Variants in SNX29 observed in about 807,000 individuals in gnomAD.
The protein encoded by SNX29 is sorting nexin-29.
In SNX29, 78 loss-of-function variants were observed where a neutral mutation model predicts 102.1. The observed-to-expected ratio is 0.76, with a 90% confidence interval of 0.64 to 0.92. SNX29 has a LOEUF of 0.92. SNX29 is among the 40% of genes least tolerant of loss of function. The pLI, the probability that SNX29 is intolerant of heterozygous loss-of-function variation, is 0.00. For missense variants in SNX29, 1,280 were observed against 1,061.7 expected, an observed-to-expected ratio of 1.21 and a Z score of -2.86; for synonymous variants, 580 against 414.5, an observed-to-expected ratio of 1.40 and a Z score of -4.85.
At chr16:12,557,868 G>T (rs184695830) in intron 20 of SNX29, among the ~76,000 whole-genome samples, 1 of 152,174 alleles carries the variant, frequency 6.6e-6, no homozygotes, top group East Asian at 1.9e-4. Context: ...CCATTCCAGC[G>T]AGTGGAGGAG....
chr16:12,214,939 C>T (rs1312663887), intron 14 of SNX29, among the ~76,000 whole-genome samples: 1 of 152,166 alleles, frequency 6.6e-6, no homozygotes, highest in Non-Finnish European at 1.5e-5. Context: ...GATATAAGGT[C>T]ATGAGAGTAG....
In SNX29 at chr16:12,560,953, C is replaced by A. The variant is rs796507500; in HGVS notation, c.2319-7553C>A. Reference sequence around the variant, plus strand: ...TGGTGTTGGGATCCGGAGAACCAGACCCAGACCTGCCTTCAAGGAACCCTT... The same window carrying A: ...TGGTGTTGGGATCCGGAGAACCAGAACCAGACCTGCCTTCAAGGAACCCTT... On this transcript the variant is annotated intron_variant, in intron 20 of 20. Transcript: ENST00000566228. 1.4e-5 allele frequency: 3 copies of A among 210,096 alleles called. No individual in the cohort carries two copies. In the East Asian group the frequency reaches 2.1e-4, roughly 15 times the overall value. The allele number at this position is 210,096 out of a possible 1,614,324, so 13.0% of individuals were successfully genotyped here.
chr16:12,407,331 T>TG (rs1183313016), intron 18 of SNX29, among the ~76,000 whole-genome samples: 1 of 151,904 alleles, frequency 6.6e-6, no homozygotes, highest in Admixed American at 6.6e-5. Flanking sequence ...TTAGATTGTT[T>TG]TTTTTTTTTC....
At chr16:12,019,855 T>G (rs552723583) in intron 3 of SNX29, among the ~76,000 whole-genome samples, 1 of 152,026 alleles carries the variant, frequency 6.6e-6, no homozygotes, top group African/African-American at 2.4e-5. Flanking sequence ...CAGGCTGGTC[T>G]CAAACTCCTG....
intron 20 of SNX29, chr16:12,527,316 T>C: frequency 1.9e-6 from 1 of 531,754 alleles, no homozygotes; most frequent in Non-Finnish European, 3.7e-6. Context: ...GCGAGACTGC[T>C]GTCTCAGCTG....
chr16:12,268,076 C>T (rs986654870), intron 14 of SNX29, among the ~76,000 whole-genome samples: 9 of 152,214 alleles, frequency 5.9e-5, no homozygotes, highest in African/African-American at 2.2e-4. Context: ...CCTGCCTTAT[C>T]CCAGTCTCTG....
chr16:12,347,969 C>T (rs963376667), intron 15 of SNX29, among the ~76,000 whole-genome samples: 2 of 151,288 alleles, frequency 1.3e-5, no homozygotes, highest in Non-Finnish European at 2.9e-5. Flanking sequence ...GTCCCAGCTA[C>T]TTGGGAGGCT....
At chr16:12,074,895 C>G (rs1322362854) in intron 10 of SNX29, among the ~76,000 whole-genome samples, 1 of 152,154 alleles carries the variant, frequency 6.6e-6, no homozygotes, top group African/African-American at 2.4e-5. Context: ...AAATTCCCTT[C>G]TCACTTCATT....
At chr16:12,001,351 G>T (rs900565909) in intron 2 of SNX29, among the ~76,000 whole-genome samples, 2 of 152,130 alleles carry the variant, frequency 1.3e-5, no homozygotes, top group Non-Finnish European at 2.9e-5. Context: ...GACCTCGGGT[G>T]ATCCGCCCAA....
chr16:12,450,079 T>C (rs1368400224), intron 18 of SNX29, among the ~76,000 whole-genome samples: 2 of 152,234 alleles, frequency 1.3e-5, no homozygotes, highest in Admixed American at 1.3e-4. Flanking sequence ...ATTCTTGTTC[T>C]CTCTTGCCTG....
intron 15 of SNX29, among the ~76,000 whole-genome samples, chr16:12,301,906 T>C (rs567144770): frequency 7.9e-5 from 12 of 152,224 alleles, no homozygotes; most frequent in Non-Finnish European, 1.8e-4. Flanking sequence ...ACTATCACTT[T>C]CCTCCTTACC....
At chr16:12,560,926 C>G (rs143639211) in intron 20 of SNX29, 1 of 203,600 alleles carries the variant, frequency 4.9e-6, no homozygotes, top group East Asian at 7.4e-5. Flanking sequence ...TAAAGTACCT[C>G]GTGGTGTTGG....
intron 11 of SNX29, among the ~76,000 whole-genome samples, chr16:12,116,152 C>T (rs548352807): frequency 6.6e-6 from 1 of 152,304 alleles, no homozygotes; most frequent in South Asian, 2.1e-4. Flanking sequence ...TTGGTGGATC[C>T]TTAAAACGTT....
intron 14 of SNX29, among the ~76,000 whole-genome samples, chr16:12,240,061 G>A (rs2142281582): frequency 6.6e-6 from 1 of 152,280 alleles, no homozygotes; most frequent in South Asian, 2.1e-4. Context: ...ATCATATCAC[G>A]AGCAGTTTTG....
At chr16:12,014,621 T>C (rs915109961) in intron 3 of SNX29, among the ~76,000 whole-genome samples, 3 of 150,840 alleles carry the variant, frequency 2.0e-5, no homozygotes, top group Non-Finnish European at 4.4e-5. Flanking sequence ...AATCCTAGCT[T>C]CTCAGGAGGC....
intron 13 of SNX29, among the ~76,000 whole-genome samples, chr16:12,146,828 C>T (rs750837518): frequency 1.3e-5 from 2 of 152,180 alleles, no homozygotes; most frequent in Non-Finnish European, 2.9e-5. Context: ...ATGGGAGCAC[C>T]TTCTCAAACA....
At chr16:12,552,069 TGTCTCA>T (rs2078012959) in intron 20 of SNX29, among the ~76,000 whole-genome samples, 1 of 152,056 alleles carries the variant, frequency 6.6e-6, no homozygotes, top group Non-Finnish European at 1.5e-5. Context: ...ACTGAATCTC[TGTCTCA>T]ATCACTCAAC....
chr16:12,028,314 T>C (rs2057248141), intron 4 of SNX29, among the ~76,000 whole-genome samples: 1 of 152,208 alleles, frequency 6.6e-6, no homozygotes, highest in Non-Finnish European at 1.5e-5. Context: ...TTCATGTTGC[T>C]GTATCATCCT....
chr16:12,063,928 C>T (rs565663855), intron 9 of SNX29, among the ~76,000 whole-genome samples: 54 of 152,094 alleles, frequency 3.6e-4, no homozygotes, highest in African/African-American at 1.2e-3. Context: ...GCCTGTTCAG[C>T]GGCAGTGTAG....
Sources: allele counts gnomAD v4.1 joint callset (sites outside exome capture counted in the v4.1 genomes callset), GRCh38; gene constraint gnomAD v4.1.1; transcripts MANE v1.5; gene names NCBI Gene and HGNC (gene_info 2026-07-23, HGNC 2026-07-21).